Variants in MGAT5B observed in about 807,000 individuals in gnomAD.
The protein encoded by MGAT5B is N-acetylglucosaminyl-transferase Vb.
In MGAT5B, 54 loss-of-function variants were observed where a neutral mutation model predicts 95.1. That is an observed-to-expected ratio of 0.57 (90% CI 0.46 to 0.71). The LOEUF (loss-of-function observed/expected upper bound fraction) is 0.71, where lower values mean the gene tolerates loss of function less well. Among genes scored for constraint, MGAT5B ranks in the 30% least tolerant of loss-of-function variants. The pLI, the probability that MGAT5B is intolerant of heterozygous loss-of-function variation, is 0.00. For synonymous variants in MGAT5B, 464 were observed against 451.0 expected, an observed-to-expected ratio of 1.03 and a Z score of -0.36; for missense variants, 935 against 1,088.6, an observed-to-expected ratio of 0.86 and a Z score of 1.99.
intron 3 of MGAT5B, among the ~76,000 whole-genome samples, chr17:76,882,785 G>T (rs1967481292): frequency 7.1e-6 from 1 of 140,576 alleles, no homozygotes. Flanking sequence ...CACAGTCTCA[G>T]CTCACTGCAA....
At position 76,947,923 on chromosome 17, in the gene MGAT5B, G is replaced by T; in HGVS notation, c.2017G>T (p.Ala673Ser). Residue 673 changes from alanine (A) to serine (S), a missense_variant, in exon 17 of 18, where the codon GCT becomes TCT. By Grantham distance (99) the Ala-to-Ser change is moderately conservative. Around this residue, in one of 4 missense-constraint regions of MGAT5B, gnomAD observed 440 missense variants for 523.6 expected, o/e 0.84. Coordinates refer to ENST00000569840, the MANE Select transcript of MGAT5B (RefSeq NM_001199172.2). ...LAPNATHLEW[A>S]RNTSLAPGAW... ...CCCCAATGCCACCCACCTCGAGTGG[G>T]CTCGGAACACCAGCTTGGCTCCTGG... 6.2e-7 allele frequency: 1 copy of T among 1,613,236 alleles called. No individual in the cohort carries two copies. Among genetic ancestry groups the T allele is most frequent in the South Asian group, 1.1e-5 (1 of 90,988 alleles).
chr17:76,944,336 A>T (rs1281258830), intron 15 of MGAT5B: 2 of 152,214 alleles, frequency 1.3e-5, no homozygotes, highest in African/African-American at 4.8e-5. Context: ...AGCAAGAGTA[A>T]CTCAGAGATT....
chr17:76,937,258 A>C (rs1050702955), intron 12 of MGAT5B, among the ~76,000 whole-genome samples: 4 of 152,146 alleles, frequency 2.6e-5, no homozygotes, highest in African/African-American at 9.7e-5. Flanking sequence ...CTAATTCCAA[A>C]TATGGAGCTT....
Position 76,938,162 on chromosome 17 carries a change from C to G in MGAT5B, c.1584+19C>G, listed in dbSNP as rs779931076. On this transcript the variant is annotated intron_variant, in intron 13 of 17. Transcript: ENST00000569840. This position sits in a 1 kb window ranked among gnomAD's most constrained non-coding sequence, Gnocchi z 4.3. ...GGCCAAAGTGAGCTCCCATCCCCCG[C>G]ACCATTCTCACACTTGCCGGCTGCA... 1.9e-5 allele frequency: 30 copies of G among 1,611,864 alleles called. No individual in the cohort carries two copies. Among genetic ancestry groups the G allele is most frequent in the Non-Finnish European group, 2.5e-5 (30 of 1,178,636 alleles).
intron 3 of MGAT5B, among the ~76,000 whole-genome samples, chr17:76,887,365 C>T (rs1302553031): frequency 1.3e-5 from 2 of 151,888 alleles, no homozygotes; most frequent in African/African-American, 4.8e-5. Context: ...TAGAAGCCCA[C>T]CTCTTCTCAC....
chr17:76,947,780 G>C, intron 16 of MGAT5B, 50 bp from the exon 17 acceptor site: 1 of 1,498,282 alleles, frequency 6.7e-7, no homozygotes, highest in Non-Finnish European at 8.9e-7. Context: ...TGTCTCCCAG[G>C]CACACCTGGG....
At chr17:76,904,635 A>G (rs965964466) in intron 6 of MGAT5B, among the ~76,000 whole-genome samples, 1 of 152,214 alleles carries the variant, frequency 6.6e-6, no homozygotes, top group African/African-American at 2.4e-5. Context: ...GCCTGTTTGC[A>G]GGGCAGGTGG....
intron 1 of MGAT5B, among the ~76,000 whole-genome samples, chr17:76,872,374 T>C (rs1598881841): frequency 6.6e-6 from 1 of 152,256 alleles, no homozygotes; most frequent in Admixed American, 6.5e-5. Flanking sequence ...TGTCCATCAC[T>C]GGTTCTCAAA....
intron 3 of MGAT5B, among the ~76,000 whole-genome samples, chr17:76,888,962 G>T (rs1360505487): frequency 3.9e-5 from 6 of 152,246 alleles, no homozygotes; most frequent in Non-Finnish European, 5.9e-5. Context: ...CCTTGGGACA[G>T]TGCCCGGAGG....
chr17:76,885,789 G>A (rs112693696), intron 3 of MGAT5B, among the ~76,000 whole-genome samples: 9 of 152,130 alleles, frequency 5.9e-5, no homozygotes, highest in South Asian at 2.1e-4. Context: ...ACACGCTCCC[G>A]TGCACAAACA....
chr17:76,936,507 TTAAGAAATCTTTGTC>T (rs1157444994), intron 12 of MGAT5B, among the ~76,000 whole-genome samples: 1 of 152,250 alleles, frequency 6.6e-6, no homozygotes, highest in Non-Finnish European at 1.5e-5. Flanking sequence ...GGTGTTGTAT[TTAAGAAATCTTTGTC>T]TAACCCAAGG....
chr17:76,897,285 T>G (rs1037231030), intron 3 of MGAT5B, among the ~76,000 whole-genome samples: 1 of 152,156 alleles, frequency 6.6e-6, no homozygotes, highest in Non-Finnish European at 1.5e-5. Context: ...TTATCTTAGT[T>G]TCGTAGAGTT....
At chr17:76,884,602 A>ATTT (rs11338232) in intron 3 of MGAT5B, among the ~76,000 whole-genome samples, 1 of 125,494 alleles carries the variant, frequency 8.0e-6, no homozygotes, top group Admixed American at 8.3e-5. Context: ...TGCCCAGCTA[A>ATTT]TTTTTTTTTT....
chr17:76,942,344 A>G (rs1223951414), intron 15 of MGAT5B, among the ~76,000 whole-genome samples: 1 of 152,194 alleles, frequency 6.6e-6, no homozygotes. Flanking sequence ...CCTGGCCAAC[A>G]TGGTGAAACC....
At chr17:76,933,437 T>G (rs1598989095) in intron 12 of MGAT5B, 140 bp downstream of exon 12, 3 of 1,121,148 alleles carry the variant, frequency 2.7e-6, no homozygotes, top group Non-Finnish European at 3.9e-6. Flanking sequence ...TGGACCAAGG[T>G]GGGGAAGAGG....
chr17:76,895,439 C>G (rs964958220), intron 3 of MGAT5B, among the ~76,000 whole-genome samples: 1 of 152,134 alleles, frequency 6.6e-6, no homozygotes, highest in Non-Finnish European at 1.5e-5. Flanking sequence ...CGAAACCAGT[C>G]CTGGGTGCTA....
rs971057785 is a variant in MGAT5B, at chr17:76,889,666, A to G, written c.329+7368A>G. On this transcript the variant is annotated intron_variant, in intron 3 of 17. Transcript: ENST00000569840. The surrounding 1 kb of genome is among the most constrained non-coding windows in gnomAD (Gnocchi z 4.4). ...ATCATAATAATTAATGATGATAATA[A>G]TCAATGACAATAGCAAATAATAATA... 2.0e-5 allele frequency among the ~76,000 whole-genome samples: 3 copies of G among 151,052 alleles called. No homozygotes were observed. The highest frequency in any genetic ancestry group is 2.9e-5 in the Non-Finnish European group (2 of 67,964).
At chr17:76,913,678 A>T (rs772591733) in intron 8 of MGAT5B, 2 of 510,912 alleles carry the variant, frequency 3.9e-6, no homozygotes, top group African/African-American at 3.9e-5. Flanking sequence ...GGCAAAGGAG[A>T]CTGAGGAGTA....
intron 16 of MGAT5B, among the ~76,000 whole-genome samples, 199 bp downstream of exon 16, chr17:76,946,649 A>C (rs1468361940): frequency 1.3e-5 from 2 of 152,244 alleles, no homozygotes; most frequent in Non-Finnish European, 2.9e-5. Context: ...GGAAAGCAGC[A>C]CACTCCGGGC....
Sources: allele counts gnomAD v4.1 joint callset (sites outside exome capture counted in the v4.1 genomes callset), GRCh38; gene constraint gnomAD v4.1.1; regional missense constraint gnomAD v4.1.1; non-coding constraint Gnocchi (gnomAD v3.1); transcripts MANE v1.5; gene names NCBI Gene and HGNC (gene_info 2026-07-23, HGNC 2026-07-21).